ATP13A1: variants seen among roughly 807,000 people sequenced by gnomAD.
The protein encoded by ATP13A1 is ATPase 13A1.
Under a neutral mutation model 134.8 loss-of-function variants are expected in ATP13A1, and 55 were observed. The observed-to-expected ratio is 0.41, with a 90% CI of 0.33 to 0.51. The LOEUF is 0.51. ATP13A1 is among the 20% of genes least tolerant of loss of function. The probability of loss-of-function intolerance (pLI) is 0.29; values close to 1 mark genes in which losing one functional copy is unlikely to be tolerated. For synonymous variants in ATP13A1, 775 were observed against 725.1 expected, an observed-to-expected ratio of 1.07 and a Z score of -1.10; for missense variants, 1,389 against 1,652.8, an observed-to-expected ratio of 0.84 and a Z score of 2.77.
intron 22 of ATP13A1, 143 bp downstream of exon 22, chr19:19,646,986 G>T: frequency 1.1e-6 from 1 of 936,202 alleles, no homozygotes. Context: ...TGCCCTGCCA[G>T]CATTTCCTGA....
chr19:19,652,740 C>T lies in ATP13A1; in HGVS notation c.2101-20G>A. On this transcript the variant is annotated intron_variant, in intron 15 of 25. Transcript: ENST00000357324. Reference sequence around the variant, plus strand: ...CCGGGCCTGCGGACAGACAGGGGCACCCTCACCATCTGTCCCTCCCTCTGC... The same window carrying T: ...CCGGGCCTGCGGACAGACAGGGGCATCCTCACCATCTGTCCCTCCCTCTGC... 1 of 1,593,188 alleles carries T rather than the reference C, an allele frequency of 6.3e-7. No individual in the cohort carries two copies. Among genetic ancestry groups the T allele is most frequent in the Non-Finnish European group, 8.5e-7 (1 of 1,173,010 alleles).
chr19:19,654,393 C>A, intron 13 of ATP13A1, 150 bp downstream of exon 13: 8 of 1,111,098 alleles, frequency 7.2e-6, no homozygotes, highest in Non-Finnish European at 1.0e-5. Flanking sequence ...TATCCTGGGT[C>A]TAAAGTGAGC....
In ATP13A1 at chr19:19,651,812, G is replaced by A. The variant is rs2062026477; in HGVS notation, c.2227-15C>T. 2 of 1,603,106 alleles carry A rather than the reference G, an allele frequency of 1.2e-6. No individual in the cohort carries two copies. The highest frequency in any genetic ancestry group is 1.3e-5 in the African/African-American group (1 of 74,498). ...ATCATGACCACCTTGGGTAAAGAGG[G>A]GCAGAGGCTCAGCATGGCACCCTGG... On this transcript the variant is annotated splice_polypyrimidine_tract_variant and intron_variant, in intron 16 of 25. Transcript: ENST00000357324.
chr19:19,652,260 C>T (rs1172320657), intron 16 of ATP13A1, among the ~76,000 whole-genome samples: 1 of 152,162 alleles, frequency 6.6e-6, no homozygotes, highest in Non-Finnish European at 1.5e-5. Context: ...CCAGAAGCCA[C>T]CAGGACAGGC....
rs150450336 is a variant in ATP13A1 at position 19,645,925 on chromosome 19, G to C, written c.3309C>G (p.Val1103=). The change falls in exon 24 of 26, where the codon GTC becomes GTG. Residue 1103 remains valine (V), a synonymous_variant. Transcript: ENST00000357324. This position sits in a 1 kb window ranked among gnomAD's most constrained non-coding sequence, Gnocchi z 4.1. ...TCTGCATGGCCATGGCCATGATGTA[G>C]ACGGTGCTGTTGACCAGGCTTGGCT... ...EFEPSLVNST[V]YIMAMAMQMA... 1.9e-6 allele frequency: 3 copies of C among 1,613,720 alleles called. No individual in the cohort carries two copies. The African/African-American group carries it at 4.0e-5, about 22-fold the overall frequency.
Position 19,645,701 on chromosome 19 carries a change from G to A in ATP13A1, c.3450C>T (p.Leu1150=), listed in dbSNP as rs774058874. ...GGCTGTTGAAGTCGGGCGAGGAGCC[G>A]AGGAGCAGGCCAATGATGGCCAGGA... ...VSLLAIIGLL[L]GSSPDFNSQF... The change falls in exon 25 of 26, where the codon CTC becomes CTT. Residue 1150 remains leucine (L), a synonymous_variant. Transcript: ENST00000357324. This position sits in a 1 kb window ranked among gnomAD's most constrained non-coding sequence, Gnocchi z 4.1. The A allele has an allele frequency of 2.5e-5, 39 of 1,585,262 alleles. No homozygotes were observed. The highest frequency in any genetic ancestry group is 3.7e-5 in the Admixed American group (2 of 54,368).
chr19:19,646,745 C>T (rs572957907), intron 22 of ATP13A1: 266 of 380,876 alleles, frequency 7.0e-4, no homozygotes, highest in Non-Finnish European at 8.0e-4. Flanking sequence ...GCCGCTGGCC[C>T]CCCTGGTTCT....
intron 15 of ATP13A1, 110 bp from the exon 16 acceptor site, chr19:19,652,830 G>C: frequency 1.4e-6 from 2 of 1,396,912 alleles, no homozygotes; most frequent in Non-Finnish European, 9.5e-7. Flanking sequence ...GGAAGGCCCT[G>C]TTCCCGTAGT....
At chr19:19,651,896 G>T in intron 16 of ATP13A1, 99 bp from the exon 17 acceptor site, 1 of 883,232 alleles carries the variant, frequency 1.1e-6, no homozygotes, top group Non-Finnish European at 1.7e-6. Flanking sequence ...AGGCCACAGT[G>T]GGAGATCCTG....
In ATP13A1 at chr19:19,645,811, T is replaced by A. The variant is rs766108020; in HGVS notation, c.3361-21A>T. On this transcript the variant is annotated intron_variant, in intron 24 of 25. Coordinates refer to ENST00000357324, the MANE Select transcript of ATP13A1 (RefSeq NM_020410.3). The surrounding 1 kb of genome is among the most constrained non-coding windows in gnomAD (Gnocchi z 4.1). ...GGGCCCTGTGGGGATGAGGGACAGA[T>A]GGCTTCATGGGGTGGGGCTGGGTGG... 3 of 854,530 alleles carry A rather than the reference T, an allele frequency of 3.5e-6. No homozygotes were observed. Among genetic ancestry groups the A allele is most frequent in the African/African-American group, 4.2e-5 (2 of 47,756 alleles). 52.9% of individuals were successfully genotyped at this position (854,530 alleles called of 1,614,324 possible).
chr19:19,659,625 G>C lies in ATP13A1; in HGVS notation c.653C>G (p.Ala218Gly). ...GFQEDSEIRA[A>G]EKKFGSNKAE... is the part of the protein sequence containing the mutation. ...CTTGTTGCTCCCAAATTTCTTCTCAGCTGCTCGGATCTCTGAGTCTTCCTG... is the reference window on the plus strand; with the variant it reads ...CTTGTTGCTCCCAAATTTCTTCTCACCTGCTCGGATCTCTGAGTCTTCCTG... Residue 218 changes from alanine (A) to glycine (G), a missense_variant, in exon 3 of 26, where the codon GCT (alanine) becomes GGT (glycine). By Grantham distance (60) the Ala-to-Gly change is moderately conservative (BLOSUM62 0). Around this residue, in one of 4 missense-constraint regions of ATP13A1, gnomAD observed 747 missense variants for 956.1 expected, o/e 0.78. Transcript: ENST00000357324. 6.2e-7 allele frequency: 1 copy of C among 1,612,478 alleles called. No homozygotes were observed.
Position 19,647,506 on chromosome 19 carries a change from C to T in ATP13A1, c.2816G>A (p.Arg939Gln), listed in dbSNP as rs763416959. Reference protein sequence around the residue: ...SQRDRLSQVLRDLEDESTPIV... With the variant: ...SQRDRLSQVLQDLEDESTPIV... ...GGGCGTACTCTCGTCCTCGAGGTCTCGCAGCACCTGGCTCAGGCGGTCCTG... is the reference window on the plus strand; with the variant it reads ...GGGCGTACTCTCGTCCTCGAGGTCTTGCAGCACCTGGCTCAGGCGGTCCTG... Residue 939 changes from arginine (R) to glutamine (Q), a missense_variant, in exon 21 of 26, where the codon CGA (arginine) becomes CAA (glutamine). By Grantham distance (43) the Arg-to-Gln change is conservative. Coordinates refer to ENST00000357324, the MANE Select transcript of ATP13A1 (RefSeq NM_020410.3). The surrounding 1 kb of genome is among the most constrained non-coding windows in gnomAD (Gnocchi z 4.8). The T allele has an allele frequency of 2.1e-5, 34 of 1,612,828 alleles. No individual in the cohort carries two copies. The highest frequency in any genetic ancestry group is 6.7e-5 in the Admixed American group (4 of 59,834).
intron 23 of ATP13A1, 90 bp from the exon 24 acceptor site, chr19:19,646,075 G>A: frequency 1.3e-6 from 2 of 1,591,356 alleles, no homozygotes; most frequent in Non-Finnish European, 1.7e-6. Context: ...CAGAGCTAGG[G>A]CTCTGCCTGG....
Position 19,656,224 on chromosome 19 carries a change from T to C in ATP13A1, c.1084-41A>G. 1.3e-6 allele frequency: 2 copies of C among 1,563,000 alleles called. No homozygotes were observed. The highest frequency in any genetic ancestry group is 8.7e-7 in the Non-Finnish European group (1 of 1,153,140). On this transcript the variant is annotated intron_variant, in intron 7 of 25. Transcript: ENST00000357324. This position sits in a 1 kb window ranked among gnomAD's most constrained non-coding sequence, Gnocchi z 4.6. ...GTGAATCTGGATGGCCAGGCCTACCTTGCTTCCTTCTCCATCTGAGTTCCT... is the reference window on the plus strand; with the variant it reads ...GTGAATCTGGATGGCCAGGCCTACCCTGCTTCCTTCTCCATCTGAGTTCCT...
At chr19:19,658,154 A>T (rs2062071665) in intron 3 of ATP13A1, among the ~76,000 whole-genome samples, 1 of 99,030 alleles carries the variant, frequency 1.0e-5, no homozygotes, top group Admixed American at 9.9e-5. Flanking sequence ...GTCTCCAAAA[A>T]AAAAAAAAAA....
intron 12 of ATP13A1, 139 bp downstream of exon 12, chr19:19,654,980 G>A (rs2062047987): frequency 7.4e-7 from 1 of 1,360,264 alleles, no homozygotes; most frequent in Non-Finnish European, 9.8e-7. Flanking sequence ...GACTTTGTGG[G>A]GAGCCCCTGG....
chr19:19,655,970 C>G lies in ATP13A1; in HGVS notation c.1214-37G>C. 2 of 1,607,860 alleles carry G rather than the reference C, an allele frequency of 1.2e-6. No homozygotes were observed. Among genetic ancestry groups the G allele is most frequent in the South Asian group, 1.1e-5 (1 of 90,586 alleles). On this transcript the variant is annotated intron_variant, in intron 8 of 25. Transcript: ENST00000357324. This position sits in a 1 kb window ranked among gnomAD's most constrained non-coding sequence, Gnocchi z 5.7. ...AGCAGAGTCACCGTCATGCCTGTCT[C>G]CTCGTCCTGACTCCCTCATGATCAA...
In ATP13A1 at chr19:19,655,094, T is replaced by C; in HGVS notation, c.1655+25A>G. The C allele has an allele frequency of 6.2e-7, 1 of 1,612,872 alleles. No individual in the cohort carries two copies. The highest frequency in any genetic ancestry group is 8.5e-7 in the Non-Finnish European group (1 of 1,179,614). On this transcript the variant is annotated intron_variant, in intron 12 of 25. Coordinates refer to ENST00000357324, the MANE Select transcript of ATP13A1 (RefSeq NM_020410.3). This position sits in a 1 kb window ranked among gnomAD's most constrained non-coding sequence, Gnocchi z 5.7. ...CCCAGAAACCCCATCTGGGTGACCT[T>C]TGCTGCAGGGCCCCTGATGCTTACC...
At chr19:19,646,910 A>T in intron 22 of ATP13A1, 1 of 571,190 alleles carries the variant, frequency 1.8e-6, no homozygotes, top group Non-Finnish European at 3.1e-6. Flanking sequence ...TGGGACCCCT[A>T]CCTGTGGACA....
Sources: allele counts gnomAD v4.1 joint callset (sites outside exome capture counted in the v4.1 genomes callset), GRCh38; gene constraint gnomAD v4.1.1; regional missense constraint gnomAD v4.1.1; non-coding constraint Gnocchi (gnomAD v3.1); transcripts MANE v1.5; gene names NCBI Gene and HGNC (gene_info 2026-07-23, HGNC 2026-07-21).